DNAJC13: variants seen among roughly 807,000 people sequenced by gnomAD.
DNAJC13 encodes dnaJ homolog subfamily C member 13.
Under a neutral mutation model 290.5 loss-of-function variants are expected in DNAJC13, and 75 were observed. The observed-to-expected ratio is 0.26, with a 90% CI of 0.21 to 0.31. DNAJC13 has a LOEUF of 0.31. Ranked by LOEUF, DNAJC13 falls within the 10% of genes least tolerant of loss-of-function variation. The probability of loss-of-function intolerance (pLI) is 1.00; values close to 1 mark genes in which losing one functional copy is unlikely to be tolerated. For missense variants in DNAJC13, 2,260 were observed against 2,674.5 expected (o/e 0.85, Z 3.42); for synonymous variants, 862 against 892.0 (o/e 0.97, Z 0.60).
chr3:132,522,507 T>C (rs1257091689), intron 48 of DNAJC13, among the ~76,000 whole-genome samples: 2 of 152,280 alleles, frequency 1.3e-5, no homozygotes, highest in Non-Finnish European at 2.9e-5. Flanking sequence ...GCAAGACCTA[T>C]GAGGTGTGCT....
At chr3:132,532,723 A>AAG (rs11425702) in intron 55 of DNAJC13, among the ~76,000 whole-genome samples, 3 of 150,514 alleles carry the variant, frequency 2.0e-5, no homozygotes, top group African/African-American at 7.4e-5. Context: ...TGAAAAAAAA[A>AAG]TCTGCCTTAT....
chr3:132,426,761 T>C (rs1305065186), intron 1 of DNAJC13, among the ~76,000 whole-genome samples: 3 of 152,182 alleles, frequency 2.0e-5, no homozygotes, highest in African/African-American at 4.8e-5. Flanking sequence ...AGAGGAAATA[T>C]TGACTGCAGA....
chr3:132,446,511 T>C lies in DNAJC13; in HGVS notation c.105T>C (p.Ile35=). 3 of 1,609,464 alleles carry C rather than the reference T, an allele frequency of 1.9e-6. No individual in the cohort carries two copies. Among genetic ancestry groups the C allele is most frequent in the Non-Finnish European group, 2.5e-6 (3 of 1,178,298 alleles). ...TCTTTTCAGTTGGAACTCATGCGATTACTACATATAATCCCAATACCTTAG... is the reference window on the plus strand; with the variant it reads ...TCTTTTCAGTTGGAACTCATGCGATCACTACATATAATCCCAATACCTTAG... ...KRVFSVGTHA[I]TTYNPNTLEV... The change falls in exon 3 of 56, where the codon ATT becomes ATC. Residue 35 remains isoleucine, a synonymous_variant. Transcript: ENST00000260818.
intron 1 of DNAJC13, among the ~76,000 whole-genome samples, chr3:132,420,954 C>T (rs930386638): frequency 2.6e-5 from 4 of 152,158 alleles, no homozygotes; most frequent in African/African-American, 9.7e-5. Flanking sequence ...CATCATTATA[C>T]ATTTTTTAAA....
At chr3:132,522,771 A>G (rs1314234338) in intron 48 of DNAJC13, 57 bp from the exon 49 acceptor site, 1 of 1,410,332 alleles carries the variant, frequency 7.1e-7, no homozygotes, top group East Asian at 2.3e-5. Context: ...AAATACAAAC[A>G]AAATATTGAG....
At chr3:132,453,265 A>G (rs1453351539) in intron 6 of DNAJC13, 33 bp from the exon 7 acceptor site, 3 of 1,597,300 alleles carry the variant, frequency 1.9e-6, no homozygotes, top group East Asian at 4.5e-5. Context: ...AGTTGTTTCA[A>G]CTCTGACTTT....
chr3:132,529,265 A>G (rs1364468800), intron 54 of DNAJC13, among the ~76,000 whole-genome samples: 10 of 152,242 alleles, frequency 6.6e-5, no homozygotes, highest in South Asian at 4.2e-4. Flanking sequence ...CATGTTACCA[A>G]TGCTTCATTT....
chr3:132,502,590 G>A, intron 40 of DNAJC13, 122 bp downstream of exon 40: 3 of 937,508 alleles, frequency 3.2e-6, no homozygotes, highest in Non-Finnish European at 4.4e-6. Flanking sequence ...GGAAAATTAG[G>A]TTTTTTGCTT....
intron 21 of DNAJC13, among the ~76,000 whole-genome samples, 173 bp from the exon 22 acceptor site, chr3:132,474,759 C>G (rs1934405731): frequency 6.8e-6 from 1 of 146,154 alleles, no homozygotes; most frequent in African/African-American, 2.5e-5. Flanking sequence ...TAATGTTTTA[C>G]TCTACTTCCT....
chr3:132,467,245 T>A lies in DNAJC13; in HGVS notation c.2140T>A (p.Phe714Ile). ...AGKAAKEVEK[F>I]AKEKVDLVLM... ...AAAAGCTGCTAAAGAAGTTGAAAAA[T>A]TTGCCAAAGAAAAAGTGGATCTTGT... Residue 714 changes from phenylalanine to isoleucine, a missense_variant, in exon 20 of 56, where the codon TTT becomes ATT. Physicochemically the swap from Phe to Ile is conservative, Grantham distance 21. Coordinates refer to ENST00000260818, the MANE Select transcript of DNAJC13 (RefSeq NM_015268.4). The A allele has an allele frequency of 6.2e-7, 1 of 1,613,702 alleles. No homozygotes were observed.
chr3:132,453,582 A>T lies in DNAJC13; in HGVS notation c.745-17A>T, dbSNP rs368364734. ...AAAAAATAACTTCTTAATATGTCTCAATTTTATTTTTTGAAGGAGCCTGTT... is the reference window on the plus strand; with the variant it reads ...AAAAAATAACTTCTTAATATGTCTCTATTTTATTTTTTGAAGGAGCCTGTT... On this transcript the variant is annotated splice_polypyrimidine_tract_variant and intron_variant, in intron 7 of 55. Transcript: ENST00000260818. 1 of 1,606,834 alleles carries T rather than the reference A, an allele frequency of 6.2e-7. No individual in the cohort carries two copies. Among genetic ancestry groups the T allele is most frequent in the Non-Finnish European group, 8.5e-7 (1 of 1,177,890 alleles).
At chr3:132,434,706 CAA>C in intron 2 of DNAJC13, 88 bp downstream of exon 2, 1 of 1,052,960 alleles carries the variant, frequency 9.5e-7, no homozygotes, top group Non-Finnish European at 1.4e-6. Flanking sequence ...TAATACTGCA[CAA>C]CTCAGGCTAT....
chr3:132,483,038 C>T (rs906726797), intron 27 of DNAJC13, among the ~76,000 whole-genome samples: 2 of 152,164 alleles, frequency 1.3e-5, no homozygotes, highest in Non-Finnish European at 2.9e-5. Context: ...GATCTTCAGC[C>T]TCCCAGGCTC....
At chr3:132,478,286 TC>T in intron 24 of DNAJC13, 146 bp downstream of exon 24, 1 of 689,032 alleles carries the variant, frequency 1.5e-6, no homozygotes, top group South Asian at 2.7e-5. Flanking sequence ...CTTATTTAAA[TC>T]TGAGTTAGAT....
intron 35 of DNAJC13, 47 bp downstream of exon 35, chr3:132,495,213 A>T: frequency 6.9e-7 from 1 of 1,458,104 alleles, no homozygotes; most frequent in Non-Finnish European, 9.6e-7. Flanking sequence ...CTCTTGCTCT[A>T]TTATTATGTA....
chr3:132,490,792 TTG>T, intron 31 of DNAJC13, 103 bp from the exon 32 acceptor site: 1 of 1,166,110 alleles, frequency 8.6e-7, no homozygotes, highest in Non-Finnish European at 1.2e-6. Context: ...TTTGTTCCAA[TTG>T]TGTTCTTTTC....
chr3:132,448,059 T>C, intron 5 of DNAJC13, 120 bp downstream of exon 5: 1 of 641,460 alleles, frequency 1.6e-6, no homozygotes, highest in Non-Finnish European at 2.6e-6. Flanking sequence ...AGAAACAAAA[T>C]TGTAATGTCT....
At position 132,456,650 on chromosome 3, in the gene DNAJC13, T is replaced by A; in HGVS notation, c.1180-13T>A. The stretch of plus-strand genomic sequence containing the variant: ...GTATGGAAACTTTTTTGAAATACTC[T>A]TTCTTCACCTAGGGTCTCTTCTCAG... On this transcript the variant is annotated splice_polypyrimidine_tract_variant and intron_variant, in intron 11 of 55. Coordinates refer to ENST00000260818, the MANE Select transcript of DNAJC13 (RefSeq NM_015268.4). 1 of 1,613,154 alleles carries A rather than the reference T, an allele frequency of 6.2e-7. No individual in the cohort carries two copies. Among genetic ancestry groups the A allele is most frequent in the Non-Finnish European group, 8.5e-7 (1 of 1,179,670 alleles).
chr3:132,473,297 C>T (rs564988887), intron 21 of DNAJC13, 70 bp downstream of exon 21: 4 of 1,047,482 alleles, frequency 3.8e-6, no homozygotes, highest in Non-Finnish European at 5.7e-6. Context: ...ATGACACGTT[C>T]TTCTTCCCTG....
Sources: gnomAD v4.1 joint callset for allele counts (sites outside exome capture counted in the v4.1 genomes callset) on GRCh38, gnomAD v4.1.1 for gene constraint, MANE v1.5 for transcripts, NCBI Gene and HGNC (gene_info 2026-07-23, HGNC 2026-07-21) for gene names.